Variants in SLC16A10 observed in about 807,000 individuals in gnomAD.
SLC16A10 encodes monocarboxylate transporter 10.
A neutral mutation model predicts 40.0 loss-of-function variants in SLC16A10; 27 were observed. The ratio of observed to expected loss-of-function variants is 0.67; its 90% CI spans 0.50 to 0.93. SLC16A10 has a LOEUF of 0.93. Ranked by LOEUF, SLC16A10 falls within the 40% of genes least tolerant of loss-of-function variation. SLC16A10 has a pLI of 0.00. For synonymous variants in SLC16A10, 213 were observed against 249.8 expected, an observed-to-expected ratio of 0.85 and a Z score of 1.39; for missense variants, 529 against 658.2, an observed-to-expected ratio of 0.80 and a Z score of 2.15.
intron 1 of SLC16A10, among the ~76,000 whole-genome samples, chr6:111,144,742 A>G (rs919194321): frequency 5.9e-5 from 9 of 152,384 alleles, no homozygotes; most frequent in Admixed American, 3.3e-4. Flanking sequence ...TGGCACAGGT[A>G]CATCCATATG....
chr6:111,172,956 T>A, intron 2 of SLC16A10, 117 bp downstream of exon 2: 2 of 1,300,196 alleles, frequency 1.5e-6, no homozygotes, highest in Non-Finnish European at 2.1e-6. Context: ...TTTAAAACTT[T>A]AAGCAATATG....
intron 1 of SLC16A10, among the ~76,000 whole-genome samples, chr6:111,128,858 TC>T (rs1423152137): frequency 6.6e-6 from 1 of 152,044 alleles, no homozygotes; most frequent in Non-Finnish European, 1.5e-5. Context: ...TCATATTTTT[TC>T]ATATTCATTT....
Position 111,143,817 on chromosome 6 carries a change from C to T in SLC16A10, c.344-28878C>T, listed in dbSNP as rs1772026844. Among the ~76,000 whole-genome samples, 5 of 152,200 alleles carry T rather than the reference C, an allele frequency of 3.3e-5. No homozygotes were observed. The South Asian group carries it at 1.0e-3, about 32-fold the overall frequency. On this transcript the variant is annotated intron_variant, in intron 1 of 5. Coordinates refer to ENST00000368851, the MANE Select transcript of SLC16A10 (RefSeq NM_018593.5). ...TAGATTCTATAATACCAACAGTGAA[C>T]CTTAATATAAACTATGGACTTTGGG...
intron 1 of SLC16A10, among the ~76,000 whole-genome samples, chr6:111,127,021 C>T (rs1298386987): frequency 6.6e-6 from 1 of 152,162 alleles, no homozygotes; most frequent in Admixed American, 6.5e-5. Flanking sequence ...ATATAGTAGG[C>T]ATTCAATAAA....
At chr6:111,137,549 T>G (rs1320345094) in intron 1 of SLC16A10, among the ~76,000 whole-genome samples, 1 of 152,198 alleles carries the variant, frequency 6.6e-6, no homozygotes, top group Non-Finnish European at 1.5e-5. Context: ...CCAGATGCAG[T>G]CTATGACTCA....
At position 111,092,315 on chromosome 6, in the gene SLC16A10, G is replaced by GTTTTTTT. The variant is rs1173275647; in HGVS notation, c.343+4236_343+4242dup. On this transcript the variant is annotated intron_variant, in intron 1 of 5. Coordinates refer to ENST00000368851, the MANE Select transcript of SLC16A10 (RefSeq NM_018593.5). Reference sequence around the variant, plus strand: ...AGCTTGAGTTGTCTCTTTTTTTGTTGTTTTTTTTTTTTTTTTTTTTTTGAG... The same window carrying GTTTTTTT: ...AGCTTGAGTTGTCTCTTTTTTTGTTGTTTTTTTTTTTTTTTTTTTTTTTTTTTTTGAG... Among the ~76,000 whole-genome samples the GTTTTTTT allele has an allele frequency of 7.1e-4, 70 of 98,576 alleles. 1 individual carries two copies. The highest frequency in any genetic ancestry group is 2.6e-3 in the African/African-American group (63 of 24,478). The allele number at this position is 98,576 out of a possible 152,430, so 64.7% of individuals were successfully genotyped here.
In SLC16A10 at chr6:111,218,861, G is replaced by C. The variant is rs537455182; in HGVS notation, c.1134G>C (p.Leu378=). Residue 378 remains leucine (L), a synonymous_variant, in exon 5 of 6, where the codon CTG becomes CTC. Transcript: ENST00000368851. ...FIGLMSMMIP[L]CSIFGALIAV... ...GTCTGATGTCCATGATGATTCCTCT[G>C]TGTAGCATCTTTGGGGCCCTCATTG... is the stretch of plus-strand genomic sequence containing the variant. 7.4e-6 allele frequency: 12 copies of C among 1,614,134 alleles called. No homozygotes were observed. The highest frequency in any genetic ancestry group is 3.3e-5 in the Admixed American group (2 of 60,026).
At chr6:111,155,573 C>G (rs1210305036) in intron 1 of SLC16A10, among the ~76,000 whole-genome samples, 1 of 152,138 alleles carries the variant, frequency 6.6e-6, no homozygotes, top group African/African-American at 2.4e-5. Flanking sequence ...TTCTTTTACT[C>G]TTGTAACTTT....
intron 3 of SLC16A10, among the ~76,000 whole-genome samples, chr6:111,183,328 TTATC>T (rs1292832280): frequency 6.6e-6 from 1 of 152,206 alleles, no homozygotes; most frequent in Non-Finnish European, 1.5e-5. Flanking sequence ...CTTTCTAACA[TTATC>T]TATTTTACTT....
At chr6:111,155,221 G>A (rs929398540) in intron 1 of SLC16A10, among the ~76,000 whole-genome samples, 14 of 146,620 alleles carry the variant, frequency 9.5e-5, no homozygotes, top group Admixed American at 9.5e-4. Context: ...TTTTGAAACA[G>A]GATCTTGCCC....
At chr6:111,172,896 T>G (rs1772613006) in intron 2 of SLC16A10, 57 bp downstream of exon 2, 1 of 1,565,696 alleles carries the variant, frequency 6.4e-7, no homozygotes, top group Non-Finnish European at 8.7e-7. Context: ...CCTTAAAGTT[T>G]TACTTTCAGA....
intron 3 of SLC16A10, among the ~76,000 whole-genome samples, chr6:111,192,090 C>T (rs1033621490): frequency 2.6e-5 from 4 of 152,192 alleles, no homozygotes; most frequent in Middle Eastern, 3.4e-3. Context: ...AAGTCTTTGC[C>T]CATGCCTATG....
At chr6:111,183,976 A>G (rs1324349035) in intron 3 of SLC16A10, among the ~76,000 whole-genome samples, 3 of 148,634 alleles carry the variant, frequency 2.0e-5, no homozygotes, top group African/African-American at 7.9e-5. Context: ...AAATATGACA[A>G]TGATAAATGC....
At chr6:111,168,117 T>A (rs903863548) in intron 1 of SLC16A10, among the ~76,000 whole-genome samples, 2 of 152,050 alleles carry the variant, frequency 1.3e-5, no homozygotes, top group Non-Finnish European at 2.9e-5. Flanking sequence ...ATAGCTGGGA[T>A]TACAGGCACC....
chr6:111,218,316 A>G (rs1216058140), intron 4 of SLC16A10, among the ~76,000 whole-genome samples: 1 of 152,184 alleles, frequency 6.6e-6, no homozygotes, highest in African/African-American at 2.4e-5. Context: ...GCTGTGGCTC[A>G]TGCCTGTAAT....
At chr6:111,168,482 G>A (rs1037971432) in intron 1 of SLC16A10, among the ~76,000 whole-genome samples, 2 of 152,102 alleles carry the variant, frequency 1.3e-5, no homozygotes, top group African/African-American at 4.8e-5. Flanking sequence ...TATAATAGCA[G>A]TAATAGTCAG....
At chr6:111,091,592 G>A (rs1019290254) in intron 1 of SLC16A10, among the ~76,000 whole-genome samples, 6 of 152,264 alleles carry the variant, frequency 3.9e-5, no homozygotes, top group East Asian at 1.9e-4. Flanking sequence ...TCCATATGCC[G>A]TTCAAGCAAA....
chr6:111,150,291 T>C (rs1205681711), intron 1 of SLC16A10, among the ~76,000 whole-genome samples: 1 of 152,246 alleles, frequency 6.6e-6, no homozygotes, highest in Non-Finnish European at 1.5e-5. Context: ...CACTGGCTCC[T>C]TGATCTTGGA....
intron 1 of SLC16A10, among the ~76,000 whole-genome samples, chr6:111,092,894 A>G (rs9487584): frequency 0.36 from 54,642 of 151,244 alleles, 10,758 homozygotes; most frequent in African/African-American, 0.53. Context: ...ACAAAAAATT[A>G]GCTGGGCATG....
Sources: gnomAD v4.1 joint callset for allele counts (sites outside exome capture counted in the v4.1 genomes callset) on GRCh38, gnomAD v4.1.1 for gene constraint, MANE v1.5 for transcripts, NCBI Gene and HGNC (gene_info 2026-07-23, HGNC 2026-07-21) for gene names.